The following TRPC5 variants were observed in gnomAD, a reference collection of about 807,000 sequenced individuals.
The protein encoded by TRPC5 is short transient receptor potential channel 5.
TRPC5 carries 9 observed loss-of-function variants against 56.5 expected under a neutral mutation model. That is an observed-to-expected ratio of 0.16 (90% CI 0.10 to 0.28). The LOEUF (loss-of-function observed/expected upper bound fraction) is 0.28. Among genes scored for constraint, TRPC5 ranks in the 10% least tolerant of loss-of-function variants. The pLI, the probability that TRPC5 is intolerant of heterozygous loss-of-function variation, is 1.00. For missense variants in TRPC5, 469 were observed against 748.9 expected (o/e 0.63, Z 4.36); for synonymous variants, 282 against 278.5 (o/e 1.01, Z -0.13).
At chrX:111,988,523 C>T (rs1395254818) in intron 1 of TRPC5, among the ~76,000 whole-genome samples, 1 of 110,599 alleles carries the variant, frequency 9.0e-6, no homozygotes, top group Non-Finnish European at 1.9e-5. Flanking sequence ...TGAGTTGTCA[C>T]TTGAACTTGA....
chrX:111,881,336 C>T (rs1379662461), intron 3 of TRPC5, among the ~76,000 whole-genome samples: 1 of 110,286 alleles, frequency 9.1e-6, no homozygotes, highest in Admixed American at 9.7e-5. Context: ...GCCACCACAC[C>T]CAGCTAACTT....
chrX:112,073,760 A>G (rs1168536580), intron 1 of TRPC5, among the ~76,000 whole-genome samples: 1 of 111,519 alleles, frequency 9.0e-6, no homozygotes. Context: ...CTTATATCAA[A>G]GCTTATTACC....
intron 1 of TRPC5, among the ~76,000 whole-genome samples, chrX:112,013,307 T>A (rs1378412330): frequency 9.0e-6 from 1 of 111,484 alleles, no homozygotes; most frequent in Non-Finnish European, 1.9e-5. Flanking sequence ...TGCGCCACCA[T>A]GCCCAGCTAA....
intron 3 of TRPC5, among the ~76,000 whole-genome samples, chrX:111,894,434 C>T (rs1924960118): frequency 8.9e-6 from 1 of 111,796 alleles, no homozygotes; most frequent in Admixed American, 9.5e-5. Context: ...ATCTCAGTTA[C>T]CAGATGGATA....
intron 10 of TRPC5, among the ~76,000 whole-genome samples, chrX:111,778,347 A>T (rs1328061025): frequency 9.0e-6 from 1 of 111,549 alleles, no homozygotes; most frequent in African/African-American, 3.3e-5. Flanking sequence ...GGATTTCTCA[A>T]TCTTGGCACT....
chrX:111,783,585 T>C (rs1945937407), intron 7 of TRPC5, among the ~76,000 whole-genome samples: 1 of 110,486 alleles, frequency 9.1e-6, no homozygotes, highest in African/African-American at 3.3e-5. Context: ...ATGAAGTGTT[T>C]TTCAGATCCT....
chrX:111,998,341 A>G (rs1928601235), intron 1 of TRPC5, among the ~76,000 whole-genome samples: 1 of 112,317 alleles, frequency 8.9e-6, no homozygotes, highest in Non-Finnish European at 1.9e-5. Context: ...ATATATGTAT[A>G]CAATGTCTAA....
At chrX:111,789,215 A>G (rs1377473068) in intron 7 of TRPC5, among the ~76,000 whole-genome samples, 1 of 111,800 alleles carries the variant, frequency 8.9e-6, no homozygotes, top group African/African-American at 3.3e-5. Context: ...ACCAAAACAG[A>G]TATATAGACC....
intron 1 of TRPC5, among the ~76,000 whole-genome samples, chrX:111,990,277 G>A (rs1436347107): frequency 1.8e-5 from 2 of 110,645 alleles, no homozygotes; most frequent in Admixed American, 1.9e-4. Flanking sequence ...AATTAGCCAG[G>A]CATGGTGGTG....
At chrX:111,846,845 G>A (rs914742009) in intron 6 of TRPC5, among the ~76,000 whole-genome samples, 1 of 111,694 alleles carries the variant, frequency 9.0e-6, no homozygotes, top group African/African-American at 3.3e-5. Context: ...ACATAGTTCA[G>A]AACCAACTCT....
rs146075523 is a variant in TRPC5 at position 112,028,195 on chromosome X, A to G, written c.-22+53684T>C. 7.4e-3 allele frequency among the ~76,000 whole-genome samples: 836 copies of G among 112,461 alleles called. 2 individuals carry two copies. The highest frequency in any genetic ancestry group is 0.026 in the African/African-American group (794 of 31,023). On this transcript the variant is annotated intron_variant, in intron 1 of 10. Coordinates refer to ENST00000262839, the MANE Select transcript of TRPC5 (RefSeq NM_012471.3). ...AAGTTCAAAGATCCTTATTCACTAT[A>G]TACAAACACAGGCCCAGAAAGATGC...
At chrX:111,889,869 T>G (rs1924717672) in intron 3 of TRPC5, among the ~76,000 whole-genome samples, 1 of 111,985 alleles carries the variant, frequency 8.9e-6, no homozygotes, top group Non-Finnish European at 1.9e-5. Context: ...AAGGTGATTT[T>G]AATGTTCAGC....
intron 1 of TRPC5, among the ~76,000 whole-genome samples, chrX:112,026,306 C>T (rs1479814330): frequency 8.9e-6 from 1 of 112,346 alleles, no homozygotes; most frequent in African/African-American, 3.2e-5. Context: ...ATCTTTTCTT[C>T]AACACTTCAT....
rs1216606662 is a variant in TRPC5, at chrX:111,773,476, A to G, written c.*2837T>C. The stretch of plus-strand genomic sequence containing the variant: ...ATGATTTTTGTATTATTTGTGTTTG[A>G]CTTTGCAGTACATTTTTAACTTCAC... On this transcript the variant is annotated 3_prime_UTR_variant, in exon 11 of 11. Transcript: ENST00000262839. Among the ~76,000 whole-genome samples, 2 of 111,821 alleles carry G rather than the reference A, an allele frequency of 1.8e-5. No individual in the cohort carries two copies. The highest frequency in any genetic ancestry group is 6.5e-5 in the African/African-American group (2 of 30,772).
chrX:111,829,457 A>T (rs1298033629), intron 7 of TRPC5, among the ~76,000 whole-genome samples: 2 of 111,864 alleles, frequency 1.8e-5, no homozygotes, highest in Non-Finnish European at 3.8e-5. Context: ...ATAATGGGGA[A>T]AATGTCTCCA....
intron 3 of TRPC5, among the ~76,000 whole-genome samples, chrX:111,861,918 G>A (rs1235743656): frequency 3.6e-5 from 4 of 111,034 alleles, no homozygotes; most frequent in Non-Finnish European, 5.7e-5. Context: ...TATTTAGTAC[G>A]CCAGATTTTT....
intron 1 of TRPC5, among the ~76,000 whole-genome samples, chrX:112,066,907 C>G (rs1458723339): frequency 4.5e-5 from 5 of 112,132 alleles, no homozygotes; most frequent in African/African-American, 1.6e-4. Flanking sequence ...CTGTCACTTT[C>G]AGTTCAGGGT....
intron 1 of TRPC5, among the ~76,000 whole-genome samples, chrX:111,977,296 A>C (rs1927956900): frequency 9.0e-6 from 1 of 111,611 alleles, no homozygotes; most frequent in South Asian, 3.7e-4. Context: ...ACCGATCAAT[A>C]GAATAGAACA....
At chrX:111,938,670 A>G (rs1248940719) in intron 2 of TRPC5, among the ~76,000 whole-genome samples, 1 of 111,452 alleles carries the variant, frequency 9.0e-6, no homozygotes, top group Admixed American at 9.5e-5. Context: ...CATGTATTGA[A>G]CCAGCCTTGC....
Sources: gnomAD v4.1 joint callset for allele counts (sites outside exome capture counted in the v4.1 genomes callset) on GRCh38, gnomAD v4.1.1 for gene constraint, MANE v1.5 for transcripts, NCBI Gene and HGNC (gene_info 2026-07-23, HGNC 2026-07-21) for gene names.